Variants in FGD5 observed in about 807,000 individuals in gnomAD.
FGD5 encodes the protein FYVE, RhoGEF and PH domain-containing protein 5.
Under a neutral mutation model 133.4 loss-of-function variants are expected in FGD5, and 28 were observed. That is an observed-to-expected ratio of 0.21 (90% CI 0.16 to 0.29). The LOEUF is 0.29. FGD5 is among the 10% of genes least tolerant of loss of function. The probability of loss-of-function intolerance (pLI) is 1.00; values close to 1 mark genes in which losing one functional copy is unlikely to be tolerated. For missense variants in FGD5, 1,858 were observed against 1,895.2 expected, an observed-to-expected ratio of 0.98 and a Z score of 0.36; for synonymous variants, 810 against 776.5, an observed-to-expected ratio of 1.04 and a Z score of -0.72.
chr3:14,825,485 A>G (rs2036583233), intron 1 of FGD5, among the ~76,000 whole-genome samples: 2 of 151,934 alleles, frequency 1.3e-5, no homozygotes, highest in African/African-American at 2.4e-5. Context: ...ATATGTACAC[A>G]CGCACACGTG....
At chr3:14,855,292 A>G (rs561446896) in intron 1 of FGD5, among the ~76,000 whole-genome samples, 1 of 152,298 alleles carries the variant, frequency 6.6e-6, no homozygotes, top group South Asian at 2.1e-4. Flanking sequence ...TATCTCAGCT[A>G]CTGTGAATAG....
At chr3:14,907,816 G>A in intron 10 of FGD5, 105 bp downstream of exon 10, 3 of 1,182,462 alleles carry the variant, frequency 2.5e-6, no homozygotes, top group Non-Finnish European at 3.6e-6. Context: ...TGCAGGTGCT[G>A]TCTACCCATG....
chr3:14,814,659 A>G (rs1284975756), upstream of FGD5, among the ~76,000 whole-genome samples: 8 of 152,032 alleles, frequency 5.3e-5, no homozygotes, highest in Admixed American at 3.9e-4. Flanking sequence ...TTCCATCTCT[A>G]TGATGGTGAC....
At chr3:14,874,561 A>G (rs911815420) in intron 2 of FGD5, among the ~76,000 whole-genome samples, 1 of 152,070 alleles carries the variant, frequency 6.6e-6, no homozygotes, top group African/African-American at 2.4e-5. Flanking sequence ...GGGTGGAGGG[A>G]GGGAGAGGTG....
chr3:14,910,034 G>T (rs756193039), intron 10 of FGD5, among the ~76,000 whole-genome samples: 53 of 151,950 alleles, frequency 3.5e-4, no homozygotes, highest in Middle Eastern at 6.8e-3. Context: ...AAAGTGCTGG[G>T]ATTACAGGCG....
chr3:14,850,865 A>T (rs1237612470), intron 1 of FGD5, among the ~76,000 whole-genome samples: 1 of 152,002 alleles, frequency 6.6e-6, no homozygotes, highest in African/African-American at 2.4e-5. Context: ...ACAGTCTTGG[A>T]AGGGGGATAG....
Position 14,932,652 on chromosome 3 carries a change from G to A in FGD5, c.4273G>A (p.Val1425Ile). The A allele has an allele frequency of 6.2e-7, 1 of 1,614,060 alleles. No individual in the cohort carries two copies. The highest frequency in any genetic ancestry group is 8.5e-7 in the Non-Finnish European group (1 of 1,179,890). The change falls in exon 19 of 20, where the codon GTA becomes ATA. Residue 1425 changes from valine to isoleucine, a missense_variant. This residue lies in a region of FGD5 where 1,824 missense variants were observed against 1,848.9 expected (regional missense o/e 0.99). Coordinates refer to ENST00000285046, the MANE Select transcript of FGD5 (RefSeq NM_152536.4). ...APEKEEGSSE[V>I]GPIFHLYHKK... The stretch of plus-strand genomic sequence containing the variant: ...AGAAAAGGAAGAGGGCAGCAGTGAA[G>A]TAGGACCTATTTTTCACCTTTACCA...
intron 1 of FGD5, among the ~76,000 whole-genome samples, chr3:14,825,868 A>G (rs957263462): frequency 6.6e-6 from 1 of 152,222 alleles, no homozygotes; most frequent in Admixed American, 6.5e-5. Context: ...GTTACACACT[A>G]GAAGCTTAAT....
Position 14,900,428 on chromosome 3 carries a change from C to T in FGD5, c.3180C>T (p.Asp1060=). 1.2e-6 allele frequency: 2 copies of T among 1,613,550 alleles called. No homozygotes were observed. Among genetic ancestry groups the T allele is most frequent in the Non-Finnish European group, 1.7e-6 (2 of 1,179,690 alleles). The change falls in exon 8 of 20, where the codon GAC becomes GAT. Residue 1060 remains aspartate (D), a synonymous_variant. Coordinates refer to ENST00000285046, the MANE Select transcript of FGD5 (RefSeq NM_152536.4). ...ACTATTTAAACAACCTTTGTCCGGACTCCGCCGAGTACGACAACACACAGG... is the reference window on the plus strand; with the variant it reads ...ACTATTTAAACAACCTTTGTCCGGATTCCGCCGAGTACGACAACACACAGG... ...LTDYLNNLCP[D]SAEYDNTQGA...
At chr3:14,901,976 G>A (rs1279842468) in intron 9 of FGD5, among the ~76,000 whole-genome samples, 1 of 152,156 alleles carries the variant, frequency 6.6e-6, no homozygotes, top group Admixed American at 6.5e-5. Context: ...CCTTCCAGCC[G>A]AGGTTGCCAG....
rs185704377 is a variant in FGD5 at position 14,925,158 on chromosome 3, A to G, written c.4069-912A>G. 1.7e-3 allele frequency among the ~76,000 whole-genome samples: 261 copies of G among 151,736 alleles called. 1 individual carries two copies. Among genetic ancestry groups the G allele is most frequent in the African/African-American group, 6.0e-3 (250 of 41,360 alleles). On this transcript the variant is annotated intron_variant, in intron 17 of 19. Coordinates refer to ENST00000285046, the MANE Select transcript of FGD5 (RefSeq NM_152536.4). ...TACATGGTTAAACATTTTTCCCAAA[A>G]AAGTACAAAACAGCACATATGATGA...
chr3:14,835,701 C>T (rs1031206573), intron 1 of FGD5, among the ~76,000 whole-genome samples: 1 of 152,132 alleles, frequency 6.6e-6, no homozygotes, highest in Non-Finnish European at 1.5e-5. Context: ...TGAAGAAGAA[C>T]AGGGAGAATT....
chr3:14,922,249 G>T lies in FGD5; in HGVS notation c.3670-162G>T. On this transcript the variant is annotated intron_variant, in intron 14 of 19. Transcript: ENST00000285046. This position sits in a 1 kb window ranked among gnomAD's most constrained non-coding sequence, Gnocchi z 4.1. ...ACAGTCTGGCTGTTTCCCAACCAAG[G>T]GTGAGCATCCTGGAGGGTGCAGGAG... 8.7e-7 allele frequency: 1 copy of T among 1,144,248 alleles called. No individual in the cohort carries two copies. The highest frequency in any genetic ancestry group is 1.2e-6 in the Non-Finnish European group (1 of 811,542). 70.9% of individuals were successfully genotyped at this position (1,144,248 alleles called of 1,614,324 possible). A position where few individuals can be genotyped will look rare whatever the true frequency, so the allele number is the denominator to read the frequency against.
At chr3:14,878,591 C>T (rs564685463) in intron 2 of FGD5, among the ~76,000 whole-genome samples, 22 of 152,296 alleles carry the variant, frequency 1.4e-4, no homozygotes, top group South Asian at 2.1e-4. Flanking sequence ...ATCCTTATGA[C>T]ATGCATGTGT....
intron 10 of FGD5, among the ~76,000 whole-genome samples, chr3:14,909,266 C>T (rs1311842437): frequency 3.3e-5 from 5 of 152,094 alleles, no homozygotes; most frequent in East Asian, 1.9e-4. Context: ...CTGTGCCCAG[C>T]GGGAATTTAT....
intron 1 of FGD5, among the ~76,000 whole-genome samples, chr3:14,834,249 G>C (rs75327885): frequency 0.026 from 3,910 of 152,248 alleles, 76 homozygotes; most frequent in Middle Eastern, 0.061. Flanking sequence ...CATTCTCTTA[G>C]AGTCAGATGG....
At chr3:14,842,655 G>A (rs1687331) in intron 1 of FGD5, among the ~76,000 whole-genome samples, 6,455 of 152,322 alleles carry the variant, frequency 0.042, 220 homozygotes, top group East Asian at 0.15. Context: ...ATGTTGTCTG[G>A]ATTTTCCCAG....
At chr3:14,863,932 A>G (rs1217922221) in intron 1 of FGD5, among the ~76,000 whole-genome samples, 196 bp from the exon 2 acceptor site, 3 of 152,200 alleles carry the variant, frequency 2.0e-5, no homozygotes, top group Admixed American at 2.0e-4. Flanking sequence ...GTGCCAAGGC[A>G]CTGGGCAGCA....
intron 17 of FGD5, 70 bp from the exon 18 acceptor site, chr3:14,926,000 T>C: frequency 6.3e-7 from 1 of 1,590,730 alleles, no homozygotes. Context: ...AGTGTCATTT[T>C]GAATTGTGCT....
Sources: allele counts gnomAD v4.1 joint callset (sites outside exome capture counted in the v4.1 genomes callset), GRCh38; gene constraint gnomAD v4.1.1; regional missense constraint gnomAD v4.1.1; non-coding constraint Gnocchi (gnomAD v3.1); transcripts MANE v1.5; gene names NCBI Gene and HGNC (gene_info 2026-07-23, HGNC 2026-07-21).